Variants in RARB observed in about 807,000 individuals in gnomAD.
RARB encodes HBV-activated protein.
In RARB, 17 loss-of-function variants were observed where a neutral mutation model predicts 51.9. The ratio of observed to expected loss-of-function variants is 0.33; its 90% CI spans 0.22 to 0.49. RARB has a LOEUF of 0.49. Ranked by LOEUF, RARB falls within the 20% of genes least tolerant of loss-of-function variation. The probability of loss-of-function intolerance (pLI) is 0.99; values close to 1 mark genes in which losing one functional copy is unlikely to be tolerated. For synonymous variants in RARB, 215 were observed against 195.4 expected (o/e 1.10, Z -0.84); for missense variants, 369 against 550.8 (o/e 0.67, Z 3.30).
intron 5 of RARB, among the ~76,000 whole-genome samples, chr3:25,317,141 A>G (rs1227467318): frequency 6.6e-6 from 1 of 152,198 alleles, no homozygotes; most frequent in Non-Finnish European, 1.5e-5. Context: ...CATAGAAAGT[A>G]TCTTATTATA....
chr3:25,293,348 A>G (rs1703834873), intron 5 of RARB, among the ~76,000 whole-genome samples: 1 of 152,028 alleles, frequency 6.6e-6, no homozygotes, highest in Non-Finnish European at 1.5e-5. Context: ...CCTACTTCAT[A>G]AAGTCCTTAA....
At chr3:25,259,755 C>A (rs1559335524) in intron 5 of RARB, among the ~76,000 whole-genome samples, 1 of 152,136 alleles carries the variant, frequency 6.6e-6, no homozygotes, top group Non-Finnish European at 1.5e-5. Context: ...TAAAGCATTT[C>A]TGAGTTTTTC....
At chr3:25,538,861 A>G (rs1291937042) in intron 3 of RARB, among the ~76,000 whole-genome samples, 1 of 152,194 alleles carries the variant, frequency 6.6e-6, no homozygotes, top group Non-Finnish European at 1.5e-5. Context: ...TTTTTCAGGT[A>G]AATATACTTG....
Position 25,534,350 on chromosome 3 carries a change from C to T in RARB, c.448+33027C>T, listed in dbSNP as rs549377241. ...TGTACCTGGTATATAGTAAGTACTACATTCAATAAATATTAATTATTATTA... is the reference window on the plus strand; with the variant it reads ...TGTACCTGGTATATAGTAAGTACTATATTCAATAAATATTAATTATTATTA... On this transcript the variant is annotated intron_variant, in intron 3 of 7. Transcript: ENST00000330688. Among the ~76,000 whole-genome samples the T allele has an allele frequency of 4.6e-5, 7 of 152,294 alleles. No homozygotes were observed. In the East Asian group the frequency reaches 1.3e-3, roughly 29 times the overall value.
intron 4 of RARB, among the ~76,000 whole-genome samples, chr3:25,163,504 A>AAAAAAAAAAAATATAT (rs1303712411): frequency 7.6e-6 from 1 of 131,096 alleles, no homozygotes; most frequent in African/African-American, 3.2e-5. Flanking sequence ...CCTATCTCAA[A>AAAAAAAAAAAATATAT]ATATATATAT....
At chr3:25,026,286 C>T (rs1477048652) in intron 2 of RARB, among the ~76,000 whole-genome samples, 1 of 152,156 alleles carries the variant, frequency 6.6e-6, no homozygotes, top group Non-Finnish European at 1.5e-5. Context: ...TATTACAGGC[C>T]TAGGTGGCTT....
At position 25,593,725 on chromosome 3, in the gene RARB, A is replaced by C. The variant is rs766401257; in HGVS notation, c.991+18A>C. 6.2e-7 allele frequency: 1 copy of C among 1,604,226 alleles called. No homozygotes were observed. The highest frequency in any genetic ancestry group is 8.5e-7 in the Non-Finnish European group (1 of 1,171,738). ...CTGTGGAGGTACCAACTATGTAGAA[A>C]AGCCTCATGAAATTCCATGAAGAAC... On this transcript the variant is annotated intron_variant, in intron 6 of 7. Transcript: ENST00000330688.
chr3:25,131,133 A>G (rs938342092), intron 3 of RARB, among the ~76,000 whole-genome samples: 2 of 151,922 alleles, frequency 1.3e-5, no homozygotes, highest in African/African-American at 4.8e-5. Context: ...AGGGAAAGTC[A>G]CTTGAGATCT....
chr3:25,066,493 C>G (rs899068649), intron 3 of RARB, among the ~76,000 whole-genome samples: 1 of 152,088 alleles, frequency 6.6e-6, no homozygotes, highest in South Asian at 2.1e-4. Flanking sequence ...ATGGGCAAAT[C>G]CAGGAGTTTC....
At chr3:25,106,451 G>GGTTTTTTTTTTTTTTT (rs1575163102) in intron 3 of RARB, among the ~76,000 whole-genome samples, 5 of 70,550 alleles carry the variant, frequency 7.1e-5, no homozygotes, top group African/African-American at 1.9e-4. Context: ...ACTGTTTTTT[G>GGTTTTTTTTTTTTTTT]TTTTTTGTTT....
intron 2 of RARB, among the ~76,000 whole-genome samples, chr3:25,010,460 A>C (rs1370090597): frequency 6.6e-6 from 1 of 152,136 alleles, no homozygotes; most frequent in Non-Finnish European, 1.5e-5. Flanking sequence ...TACTTTGCAT[A>C]CTGACTTTAG....
Position 25,544,120 on chromosome 3 carries a change from T to C in RARB, c.449-25638T>C, listed in dbSNP as rs1699506811. Reference sequence around the variant, plus strand: ...GAAAGTAATTTTCTTCCAAAGGCCATTTAATAACATGAAGAAATATTTACA... The same window carrying C: ...GAAAGTAATTTTCTTCCAAAGGCCACTTAATAACATGAAGAAATATTTACA... On this transcript the variant is annotated intron_variant, in intron 3 of 7. Transcript: ENST00000330688. Among the ~76,000 whole-genome samples, 7 of 152,248 alleles carry C rather than the reference T, an allele frequency of 4.6e-5. No homozygotes were observed. In the South Asian group the frequency reaches 1.0e-3, roughly 23 times the overall value.
chr3:24,863,266 T>C (rs941179202), intron 2 of RARB, among the ~76,000 whole-genome samples: 1 of 152,198 alleles, frequency 6.6e-6, no homozygotes, highest in Non-Finnish European at 1.5e-5. Flanking sequence ...TTTAACTTCA[T>C]GGATGAACCA....
In RARB at chr3:25,128,312, T is replaced by C. The variant is rs191581643; in HGVS notation, c.-327-3849T>C. Reference sequence around the variant, plus strand: ...AACCTCCTTATTTTCAGCTGTAACATGAAAATAAGAATCTTTGTAAGGTTT... The same window carrying C: ...AACCTCCTTATTTTCAGCTGTAACACGAAAATAAGAATCTTTGTAAGGTTT... On this transcript the variant is annotated intron_variant, in intron 3 of 11. Coordinates refer to the RARB transcript ENST00000383772. Among the ~76,000 whole-genome samples, 8 of 152,000 alleles carry C rather than the reference T, an allele frequency of 5.3e-5. No individual in the cohort carries two copies. The East Asian group carries it at 1.5e-3, about 29-fold the overall frequency.
intron 5 of RARB, among the ~76,000 whole-genome samples, chr3:25,335,410 T>C (rs1395481010): frequency 6.6e-6 from 1 of 152,188 alleles, no homozygotes. Context: ...GATTATGAAC[T>C]GAAAAGCTTT....
intron 2 of RARB, among the ~76,000 whole-genome samples, chr3:24,894,317 T>A (rs1335368544): frequency 6.8e-6 from 1 of 147,372 alleles, no homozygotes; most frequent in Non-Finnish European, 1.5e-5. Flanking sequence ...CATCTTTGTG[T>A]CTGTGTATTC....
intron 1 of RARB, among the ~76,000 whole-genome samples, chr3:25,455,922 G>A (rs1194411907): frequency 6.6e-6 from 1 of 152,208 alleles, no homozygotes; most frequent in Non-Finnish European, 1.5e-5. Context: ...ATTCCTCTAA[G>A]ACTGCTTCTC....
chr3:25,549,998 G>A (rs543274905), intron 3 of RARB, among the ~76,000 whole-genome samples: 1 of 152,134 alleles, frequency 6.6e-6, no homozygotes, highest in Non-Finnish European at 1.5e-5. Flanking sequence ...CCTTCCAGCT[G>A]TAGAATTCTG....
At chr3:25,266,841 C>T (rs1211756433) in intron 5 of RARB, among the ~76,000 whole-genome samples, 1 of 152,194 alleles carries the variant, frequency 6.6e-6, no homozygotes, top group Non-Finnish European at 1.5e-5. Flanking sequence ...AGGAGAAGAG[C>T]CTCACCAGAA....
Sources: allele counts gnomAD v4.1 joint callset (sites outside exome capture counted in the v4.1 genomes callset), GRCh38; gene constraint gnomAD v4.1.1; transcripts MANE v1.5; gene names NCBI Gene and HGNC (gene_info 2026-07-23, HGNC 2026-07-21).